MIGA1: variants seen among roughly 807,000 people sequenced by gnomAD.
MIGA1 encodes the protein family with sequence similarity 73, member A.
Under a neutral mutation model 82.0 loss-of-function variants are expected in MIGA1, and 58 were observed. The ratio of observed to expected loss-of-function variants is 0.71; its 90% confidence interval spans 0.57 to 0.88. The LOEUF (loss-of-function observed/expected upper bound fraction) is 0.88. MIGA1 is among the 40% of genes least tolerant of loss of function. MIGA1 has a pLI of 0.00. For missense variants in MIGA1, 751 were observed against 749.1 expected (o/e 1.00, Z -0.03); for synonymous variants, 249 against 253.6 (o/e 0.98, Z 0.17).
At chr1:77,815,690 A>T (rs1171709084) in intron 7 of MIGA1, among the ~76,000 whole-genome samples, 2 of 152,118 alleles carry the variant, frequency 1.3e-5, no homozygotes, top group African/African-American at 2.4e-5. Flanking sequence ...TTTGTTTCCT[A>T]CTTTAAAGAG....
intron 5 of MIGA1, among the ~76,000 whole-genome samples, chr1:77,809,185 T>C (rs1382168351): frequency 6.6e-6 from 1 of 152,052 alleles, no homozygotes; most frequent in African/African-American, 2.4e-5. Context: ...AGAGTAAAAC[T>C]AGAGACGCCA....
chr1:77,854,710 A>AT (rs1685180424), intron 8 of MIGA1, among the ~76,000 whole-genome samples: 1 of 151,996 alleles, frequency 6.6e-6, no homozygotes, highest in South Asian at 2.1e-4. Flanking sequence ...TCTTTTGAGA[A>AT]TTGTCTATTC....
rs891842056 is a variant in MIGA1, at chr1:77,879,449, A to G, written c.*4385A>G. On this transcript the variant is annotated 3_prime_UTR_variant, in exon 16 of 16. Coordinates refer to ENST00000370791, the MANE Select transcript of MIGA1 (RefSeq NM_198549.4). ...AATTTGTGTAAAAGTAAAACACTAC[A>G]GTAGCAGAAAAAATTGCACTGGCTC... 3 of 152,242 alleles carry G rather than the reference A, an allele frequency of 2.0e-5. No homozygotes were observed. The highest frequency in any genetic ancestry group is 4.4e-5 in the Non-Finnish European group (3 of 68,040). The allele number at this position is 152,242 out of a possible 1,614,324, so 9.4% of individuals were successfully genotyped here. A position where few individuals can be genotyped will look rare whatever the true frequency, so the allele number is the denominator to read the frequency against.
At chr1:77,847,836 C>T in intron 8 of MIGA1, 2 of 1,606,984 alleles carry the variant, frequency 1.2e-6, no homozygotes, top group Non-Finnish European at 1.7e-6. Flanking sequence ...ATGCATTCTT[C>T]AAACTGATGT....
chr1:77,825,026 A>G (rs1204078013), intron 7 of MIGA1, among the ~76,000 whole-genome samples: 1 of 117,454 alleles, frequency 8.5e-6, no homozygotes, highest in Non-Finnish European at 1.6e-5. Context: ...CCTTGCTCTG[A>G]TGCCCAGCCT....
At chr1:77,863,551 A>G (rs929147548) in intron 12 of MIGA1, among the ~76,000 whole-genome samples, 1 of 152,230 alleles carries the variant, frequency 6.6e-6, no homozygotes, top group African/African-American at 2.4e-5. Flanking sequence ...ATGAAAGAGC[A>G]AGATGTTCAT....
intron 7 of MIGA1, among the ~76,000 whole-genome samples, chr1:77,825,334 A>C (rs915727809): frequency 1.3e-5 from 2 of 152,144 alleles, no homozygotes. Context: ...GGAATATAGG[A>C]GTTGTGCAAT....
intron 5 of MIGA1, among the ~76,000 whole-genome samples, chr1:77,808,426 ACTGT>A (rs1683190904): frequency 1.3e-5 from 2 of 152,104 alleles, no homozygotes; most frequent in Non-Finnish European, 2.9e-5. Flanking sequence ...TAACCTGTTG[ACTGT>A]TATATAATGA....
chr1:77,812,932 G>T (rs1233683138), intron 5 of MIGA1, among the ~76,000 whole-genome samples: 1 of 152,114 alleles, frequency 6.6e-6, no homozygotes, highest in Non-Finnish European at 1.5e-5. Context: ...GGGACAAAAG[G>T]TGGAAAAGGC....
intron 7 of MIGA1, among the ~76,000 whole-genome samples, chr1:77,841,733 C>CTTTG (rs1684632691): frequency 5.0e-5 from 2 of 39,870 alleles, no homozygotes; most frequent in Non-Finnish European, 1.1e-4. Context: ...GAGACTTCTG[C>CTTTG]TTTCTTTCTT....
At chr1:77,840,515 C>G (rs1298738132) in intron 7 of MIGA1, among the ~76,000 whole-genome samples, 1 of 151,924 alleles carries the variant, frequency 6.6e-6, no homozygotes, top group Non-Finnish European at 1.5e-5. Context: ...AAATTTAATC[C>G]CACTCTCGGC....
chr1:77,800,460 A>G (rs891563275), intron 2 of MIGA1, among the ~76,000 whole-genome samples: 3 of 152,312 alleles, frequency 2.0e-5, no homozygotes, highest in Non-Finnish European at 4.4e-5. Flanking sequence ...TGATGGAGTC[A>G]GAATACTTTA....
rs1040564131 is a variant in MIGA1 at position 77,876,955 on chromosome 1, C to T, written c.*1891C>T. The T allele has an allele frequency of 1.3e-5, 2 of 152,084 alleles. No individual in the cohort carries two copies. The highest frequency in any genetic ancestry group is 6.6e-5 in the Admixed American group (1 of 15,258). 9.4% of individuals were successfully genotyped at this position (152,084 alleles called of 1,614,324 possible). On this transcript the variant is annotated 3_prime_UTR_variant, in exon 16 of 16. Transcript: ENST00000370791. The stretch of plus-strand genomic sequence containing the variant: ...AGATTTGTTGATTTTGCCCCTAAAA[C>T]GGGCTTTAGTCATTTTAGGAGTGAG...
At chr1:77,838,516 C>T (rs896560136) in intron 7 of MIGA1, among the ~76,000 whole-genome samples, 4 of 152,054 alleles carry the variant, frequency 2.6e-5, no homozygotes, top group African/African-American at 2.4e-5. Flanking sequence ...GGTGCGATCT[C>T]AGCTCACTGC....
chr1:77,807,132 C>T (rs1429126166), intron 5 of MIGA1, 31 bp downstream of exon 5: 1 of 1,507,648 alleles, frequency 6.6e-7, no homozygotes, highest in Non-Finnish European at 9.0e-7. Flanking sequence ...TTTTAAGATA[C>T]TGTGCTCACA....
At chr1:77,845,424 T>C (rs1684800060) in intron 8 of MIGA1, among the ~76,000 whole-genome samples, 3 of 152,178 alleles carry the variant, frequency 2.0e-5, no homozygotes, top group Admixed American at 2.0e-4. Flanking sequence ...AAGTTTTTTT[T>C]CTAATATGCA....
intron 8 of MIGA1, chr1:77,847,929 AC>A (rs1684904670): frequency 4.3e-6 from 6 of 1,397,970 alleles, no homozygotes. Flanking sequence ...ACTAGAGTGA[AC>A]TGCAGAAGGG....
chr1:77,815,334 TAAAA>T (rs546971496), intron 7 of MIGA1, 103 bp downstream of exon 7: 1 of 882,048 alleles, frequency 1.1e-6, no homozygotes, highest in South Asian at 4.4e-5. Flanking sequence ...ATAGGTTACT[TAAAA>T]AAAAATAAAC....
intron 15 of MIGA1, among the ~76,000 whole-genome samples, chr1:77,874,603 A>G (rs1483890783): frequency 6.6e-6 from 1 of 151,918 alleles, no homozygotes; most frequent in Non-Finnish European, 1.5e-5. Flanking sequence ...TTTGATCATC[A>G]TGTCATCCCT....
Sources: allele counts gnomAD v4.1 joint callset (sites outside exome capture counted in the v4.1 genomes callset), GRCh38; gene constraint gnomAD v4.1.1; transcripts MANE v1.5; gene names NCBI Gene and HGNC (gene_info 2026-07-23, HGNC 2026-07-21).